Variants in SSBP3 observed in about 807,000 individuals in gnomAD.
SSBP3 encodes single stranded DNA binding protein 3.
In SSBP3, 5 loss-of-function variants were observed where a neutral mutation model predicts 69.6. The observed-to-expected ratio is 0.07, with a 90% CI of 0.04 to 0.15. The LOEUF (loss-of-function observed/expected upper bound fraction) is 0.15, where lower values mean the gene tolerates loss of function less well. SSBP3 is among the 10% of genes least tolerant of loss of function. The pLI is 1.00. For missense variants in SSBP3, 312 were observed against 534.0 expected, an observed-to-expected ratio of 0.58 and a Z score of 4.10; for synonymous variants, 196 against 193.4, an observed-to-expected ratio of 1.01 and a Z score of -0.11.
At chr1:54,354,737 C>CA (rs1384976903) in intron 4 of SSBP3, among the ~76,000 whole-genome samples, 3 of 152,010 alleles carry the variant, frequency 2.0e-5, no homozygotes, top group Non-Finnish European at 4.4e-5. Context: ...GAAAGAAATT[C>CA]AAAAAACAAG....
chr1:54,403,418 C>T (rs888154326), intron 3 of SSBP3, among the ~76,000 whole-genome samples: 2 of 152,156 alleles, frequency 1.3e-5, no homozygotes, highest in Admixed American at 6.5e-5. Flanking sequence ...TAAGTTTCTA[C>T]AAGATCCAAG....
chr1:54,328,235 C>T (rs1395925184), intron 4 of SSBP3, among the ~76,000 whole-genome samples: 7 of 152,152 alleles, frequency 4.6e-5, no homozygotes, highest in Admixed American at 1.3e-4. Flanking sequence ...ACCACATCGT[C>T]CAGTGTGTTC....
intron 4 of SSBP3, among the ~76,000 whole-genome samples, chr1:54,399,654 C>T (rs112874096): frequency 6.0e-5 from 9 of 150,180 alleles, no homozygotes; most frequent in African/African-American, 2.0e-4. Context: ...GAATGCATTC[C>T]AGGCAAGAGG....
intron 4 of SSBP3, among the ~76,000 whole-genome samples, chr1:54,311,215 G>C (rs527426318): frequency 1.7e-4 from 26 of 152,326 alleles, no homozygotes; most frequent in Non-Finnish European, 3.4e-4. Flanking sequence ...CTGGGCTCAA[G>C]ACGGAAATCC....
rs371860735 is a variant in SSBP3, at chr1:54,374,220, G to A, written c.276+27641C>T. ...GACGCAGGTGCGCGGGAATGTGTGC[G>A]GAGGCAGGTGGCCGGCAGCCCACGG... is the stretch of plus-strand genomic sequence containing the variant. On this transcript the variant is annotated intron_variant, in intron 4 of 17. Transcript: ENST00000610401. Among the ~76,000 whole-genome samples, 300 of 152,334 alleles carry A rather than the reference G, an allele frequency of 2.0e-3. 18 individuals carry two copies. The South Asian group carries it at 0.042, about 22-fold the overall frequency.
At chr1:54,242,105 C>G (rs1644649563) in intron 11 of SSBP3, 59 bp downstream of exon 11, 1 of 1,591,066 alleles carries the variant, frequency 6.3e-7, no homozygotes, top group African/African-American at 1.3e-5. Context: ...GACAGTAGCT[C>G]CCCTGCACCC....
intron 4 of SSBP3, among the ~76,000 whole-genome samples, chr1:54,345,661 C>T (rs1455693711): frequency 6.6e-6 from 1 of 152,198 alleles, no homozygotes; most frequent in African/African-American, 2.4e-5. Flanking sequence ...AAACGCCAAG[C>T]AAAGTCTCTG....
At position 54,316,659 on chromosome 1, in the gene SSBP3, ATAAAATAAATAAAT is replaced by A. The variant is rs532968625; in HGVS notation, c.277-35146_277-35133del. Reference sequence around the variant, plus strand: ...CGAGACTCCGTCTCAAAAAAAAAAAATAAAATAAATAAATAAATAAATAAATAAATAAATAAATA... The same window carrying A: ...CGAGACTCCGTCTCAAAAAAAAAAAAAAATAAATAAATAAATAAATAAATA... On this transcript the variant is annotated intron_variant, in intron 4 of 17. Coordinates refer to ENST00000610401, the Ensembl canonical transcript of SSBP3. 1.2e-3 allele frequency among the ~76,000 whole-genome samples: 81 copies of A among 66,264 alleles called. 4 individuals are homozygous for A. Among genetic ancestry groups the A allele is most frequent in the East Asian group, 3.0e-3 (7 of 2,296 alleles). 43.5% of individuals were successfully genotyped at this position (66,264 alleles called of 152,430 possible). A position where few individuals can be genotyped will look rare whatever the true frequency, so the allele number is the denominator to read the frequency against.
intron 4 of SSBP3, among the ~76,000 whole-genome samples, chr1:54,381,902 T>G (rs1428325026): frequency 6.6e-6 from 1 of 152,264 alleles, no homozygotes. Flanking sequence ...TATTTTAAGA[T>G]GTGCAGTTAG....
At chr1:54,285,156 T>C (rs1191157653) in intron 4 of SSBP3, among the ~76,000 whole-genome samples, 2 of 152,224 alleles carry the variant, frequency 1.3e-5, no homozygotes, top group Non-Finnish European at 2.9e-5. Flanking sequence ...TGATAGTTAT[T>C]GCTGTTCTTC....
intron 4 of SSBP3, among the ~76,000 whole-genome samples, chr1:54,284,643 A>T (rs1645454987): frequency 6.6e-6 from 1 of 150,468 alleles, no homozygotes; most frequent in Non-Finnish European, 1.5e-5. Flanking sequence ...AATTTTTAAA[A>T]TTTTTTGTAG....
intron 4 of SSBP3, among the ~76,000 whole-genome samples, chr1:54,306,041 A>G (rs1645895450): frequency 6.6e-6 from 1 of 151,574 alleles, no homozygotes; most frequent in African/African-American, 2.4e-5. Context: ...GACTTCCCCC[A>G]GCTGAAGGTT....
intron 7 of SSBP3, among the ~76,000 whole-genome samples, chr1:54,255,403 G>A (rs1240175957): frequency 2.0e-5 from 3 of 152,234 alleles, no homozygotes; most frequent in African/African-American, 7.2e-5. Flanking sequence ...TGGGTGGGAA[G>A]GCTGCTGCTG....
At chr1:54,350,826 G>A (rs1367337600) in intron 4 of SSBP3, among the ~76,000 whole-genome samples, 3 of 151,912 alleles carry the variant, frequency 2.0e-5, no homozygotes, top group Non-Finnish European at 2.9e-5. Context: ...AATAGAACCC[G>A]CACAGCTTCT....
chr1:54,337,484 G>GTTTTTTTTTTTTTTTTTTTTTTT (rs1203018944), intron 4 of SSBP3, among the ~76,000 whole-genome samples: 1 of 78,902 alleles, frequency 1.3e-5, no homozygotes, highest in Non-Finnish European at 2.2e-5. Flanking sequence ...TTTTCCTCAA[G>GTTTTTTTTTTTTTTTTTTTTTTT]CTTTTTTTTT....
chr1:54,240,098 G>GCA (rs1644594510), intron 13 of SSBP3, among the ~76,000 whole-genome samples: 2 of 15,196 alleles, frequency 1.3e-4, no homozygotes, highest in East Asian at 8.8e-4. Flanking sequence ...GCGCGCGCGC[G>GCA]CGTGTGCGTG....
At chr1:54,306,287 G>A (rs766420970) in intron 4 of SSBP3, among the ~76,000 whole-genome samples, 1 of 152,184 alleles carries the variant, frequency 6.6e-6, no homozygotes, top group South Asian at 2.1e-4. Context: ...CGCACAGCTT[G>A]GTGTGATAAG....
chr1:54,371,329 C>T (rs779932938), intron 4 of SSBP3, among the ~76,000 whole-genome samples: 4 of 152,204 alleles, frequency 2.6e-5, no homozygotes, highest in Non-Finnish European at 5.9e-5. Flanking sequence ...TGAGCTCAAG[C>T]GCCCAAGTGG....
intron 4 of SSBP3, among the ~76,000 whole-genome samples, chr1:54,312,837 TC>T (rs956009398): frequency 6.6e-6 from 1 of 152,112 alleles, no homozygotes. Flanking sequence ...GTCTCTCCCC[TC>T]TGAGCTCCCC....
Sources: gnomAD v4.1 joint callset for allele counts (sites outside exome capture counted in the v4.1 genomes callset) on GRCh38, gnomAD v4.1.1 for gene constraint, MANE v1.5 for transcripts, NCBI Gene and HGNC (gene_info 2026-07-23, HGNC 2026-07-21) for gene names.